Variants in CSMD1 observed in about 807,000 individuals in gnomAD.
The protein encoded by CSMD1 is CUB and sushi domain-containing protein 1.
A neutral mutation model predicts 417.5 loss-of-function variants in CSMD1; 213 were observed. The ratio of observed to expected loss-of-function variants is 0.51; its 90% CI spans 0.46 to 0.57. The LOEUF (loss-of-function observed/expected upper bound fraction) is 0.57, where lower values mean the gene tolerates loss of function less well. CSMD1 is among the 20% of genes least tolerant of loss of function. CSMD1 has a pLI of 0.00. For missense variants in CSMD1, 6,923 were observed against 4,529.7 expected (o/e 1.53, Z -15.17); for synonymous variants, 2,862 against 1,736.8 (o/e 1.65, Z -16.11).
Position 3,047,487 on chromosome 8 carries a change from C to A in CSMD1, c.7660+4975G>T, listed in dbSNP as rs140226010. 2.5e-3 allele frequency among the ~76,000 whole-genome samples: 381 copies of A among 152,264 alleles called. 1 individual carries two copies. The highest frequency in any genetic ancestry group is 8.7e-3 in the African/African-American group (363 of 41,570). On this transcript the variant is annotated intron_variant, in intron 50 of 69. Transcript: ENST00000635120. ...TGATGCCCCATTCAGAGCACACGCTCCAGGACGCTCAGTGAGGGGTTGCGA... is the reference window on the plus strand; with the variant it reads ...TGATGCCCCATTCAGAGCACACGCTACAGGACGCTCAGTGAGGGGTTGCGA...
At chr8:3,523,817 G>T (rs183399329) in intron 10 of CSMD1, among the ~76,000 whole-genome samples, 2 of 84,468 alleles carry the variant, frequency 2.4e-5, no homozygotes, top group Non-Finnish European at 4.7e-5. Context: ...ATACACACAC[G>T]CACATATGCA....
chr8:4,417,168 T>A (rs1444360387), intron 3 of CSMD1, among the ~76,000 whole-genome samples: 1 of 152,060 alleles, frequency 6.6e-6, no homozygotes, highest in Non-Finnish European at 1.5e-5. Context: ...GAAAGTCAAA[T>A]ACTGTAAATA....
intron 68 of CSMD1, among the ~76,000 whole-genome samples, chr8:2,945,148 T>G (rs1025153986): frequency 2.6e-5 from 4 of 152,220 alleles, no homozygotes; most frequent in African/African-American, 9.6e-5. Context: ...AAAGGAAAAT[T>G]AAAATAATCA....
rs143962226 is a variant in CSMD1, at chr8:4,751,158, G to A, written c.86-113600C>T. On this transcript the variant is annotated intron_variant, in intron 1 of 69. Coordinates refer to ENST00000635120, the MANE Select transcript of CSMD1 (RefSeq NM_033225.6). ...CCAGCACTTTGGGAGGCCGAGGTGG[G>A]TGGATCACCTGAGGTAAGGAATTCC... 2.8e-4 allele frequency among the ~76,000 whole-genome samples: 43 copies of A among 152,334 alleles called. No homozygotes were observed. The East Asian group carries it at 8.3e-3, about 29-fold the overall frequency.
At chr8:4,605,783 C>T (rs776387136) in intron 2 of CSMD1, among the ~76,000 whole-genome samples, 15 of 152,244 alleles carry the variant, frequency 9.9e-5, no homozygotes, top group East Asian at 1.9e-4. Context: ...GCAAGCTCAC[C>T]GGTCCAATGC....
chr8:4,753,728 CAG>C (rs1466031695), intron 1 of CSMD1, among the ~76,000 whole-genome samples: 1 of 152,204 alleles, frequency 6.6e-6, no homozygotes, highest in Non-Finnish European at 1.5e-5. Context: ...ACCTTCAAGG[CAG>C]AGCTCAAGTA....
chr8:4,664,330 C>G (rs1052828408), intron 1 of CSMD1, among the ~76,000 whole-genome samples: 1 of 152,128 alleles, frequency 6.6e-6, no homozygotes, highest in Non-Finnish European at 1.5e-5. Flanking sequence ...AAGGCTGAGG[C>G]GGGCGGATCA....
chr8:3,567,381 T>C (rs966470272), intron 10 of CSMD1, among the ~76,000 whole-genome samples: 4 of 151,782 alleles, frequency 2.6e-5, no homozygotes, highest in South Asian at 2.1e-4. Context: ...AGTTTACCTA[T>C]ATAACAAACC....
At chr8:2,958,571 C>T (rs1041825681) in intron 62 of CSMD1, among the ~76,000 whole-genome samples, 2 of 152,104 alleles carry the variant, frequency 1.3e-5, no homozygotes, top group South Asian at 2.1e-4. Context: ...GAGCTATGGT[C>T]GTGTGTTGAG....
intron 1 of CSMD1, among the ~76,000 whole-genome samples, chr8:4,870,992 A>G (rs28457846): frequency 0.046 from 6,979 of 152,058 alleles, 565 homozygotes; most frequent in African/African-American, 0.15. Context: ...GGGATGCCAC[A>G]GGGTCTGGTC....
chr8:3,429,918 A>T (rs1814108970), intron 12 of CSMD1, among the ~76,000 whole-genome samples: 1 of 152,152 alleles, frequency 6.6e-6, no homozygotes, highest in Non-Finnish European at 1.5e-5. Flanking sequence ...CACTGGCCAC[A>T]CTGTCTATTT....
At chr8:3,710,441 G>A (rs541789633) in intron 6 of CSMD1, among the ~76,000 whole-genome samples, 1 of 152,276 alleles carries the variant, frequency 6.6e-6, no homozygotes, top group South Asian at 2.1e-4. Flanking sequence ...ATGGTGTCCT[G>A]AGCCCAGCCA....
At chr8:3,205,019 G>C (rs1283330326) in intron 31 of CSMD1, among the ~76,000 whole-genome samples, 1 of 152,180 alleles carries the variant, frequency 6.6e-6, no homozygotes, top group Non-Finnish European at 1.5e-5. Context: ...GGGTTCAGCA[G>C]GTGAAACAGT....
chr8:3,305,975 C>T (rs745967237), intron 25 of CSMD1, among the ~76,000 whole-genome samples: 16 of 152,216 alleles, frequency 1.1e-4, no homozygotes, highest in Non-Finnish European at 1.5e-4. Flanking sequence ...CCACTGCACC[C>T]GGCCCCACAG....
chr8:3,959,335 C>G (rs2740837), intron 5 of CSMD1, among the ~76,000 whole-genome samples: 71,749 of 151,942 alleles, frequency 0.47, 17,587 homozygotes, highest in East Asian at 0.79. Flanking sequence ...CCTGTCTCTA[C>G]TAAAAATACA....
chr8:4,546,570 G>T (rs188250919), intron 2 of CSMD1, among the ~76,000 whole-genome samples: 2 of 152,198 alleles, frequency 1.3e-5, no homozygotes, highest in East Asian at 3.9e-4. Flanking sequence ...AGCACTTCTG[G>T]TTCTCAGGCC....
At chr8:4,629,638 G>A (rs563217318) in intron 2 of CSMD1, among the ~76,000 whole-genome samples, 1 of 152,094 alleles carries the variant, frequency 6.6e-6, no homozygotes, top group African/African-American at 2.4e-5. Context: ...TAAATTACGT[G>A]TCCTGCCTAG....
chr8:3,854,546 T>C (rs2129102025), intron 5 of CSMD1, among the ~76,000 whole-genome samples: 1 of 152,252 alleles, frequency 6.6e-6, no homozygotes. Flanking sequence ...GGCAGTTTCA[T>C]TTCTGCTTAC....
chr8:3,583,503 A>G (rs1173850430), intron 9 of CSMD1, among the ~76,000 whole-genome samples: 1 of 152,080 alleles, frequency 6.6e-6, no homozygotes, highest in Non-Finnish European at 1.5e-5. Context: ...GTGATTAGGT[A>G]GGAAGCAGGG....
Sources: allele counts gnomAD v4.1 joint callset (sites outside exome capture counted in the v4.1 genomes callset), GRCh38; gene constraint gnomAD v4.1.1; transcripts MANE v1.5; gene names NCBI Gene and HGNC (gene_info 2026-07-23, HGNC 2026-07-21).